Variants in ATP2B2 observed in about 807,000 individuals in gnomAD.
ATP2B2 encodes the protein plasma membrane calcium-transporting ATPase 2.
ATP2B2 carries 15 observed loss-of-function variants against 120.0 expected under a neutral mutation model. That is an observed-to-expected ratio of 0.12 (90% CI 0.08 to 0.19). The LOEUF is 0.19. ATP2B2 is among the 10% of genes least tolerant of loss of function. ATP2B2 has a pLI of 1.00. For missense variants in ATP2B2, 1,045 were observed against 1,719.8 expected, an observed-to-expected ratio of 0.61 and a Z score of 6.94; for synonymous variants, 694 against 700.3, an observed-to-expected ratio of 0.99 and a Z score of 0.14.
intron 1 of ATP2B2, among the ~76,000 whole-genome samples, chr3:10,496,592 C>T (rs919284096): frequency 6.6e-6 from 1 of 152,124 alleles, no homozygotes; most frequent in Non-Finnish European, 1.5e-5. Context: ...TTCTCCTGAG[C>T]GCTGTCTCAT....
intron 3 of ATP2B2, among the ~76,000 whole-genome samples, chr3:10,518,252 G>A (rs537270471): frequency 1.4e-4 from 21 of 152,278 alleles, no homozygotes; most frequent in African/African-American, 4.8e-4. Context: ...CAATATCATG[G>A]ATTTGCCTTG....
Position 10,523,843 on chromosome 3 carries a change from GAA to G in ATP2B2, c.-320+10194_-320+10195del, listed in dbSNP as rs34082054. Among the ~76,000 whole-genome samples the G allele has an allele frequency of 7.5e-4, 105 of 139,652 alleles. 1 individual carries two copies. Among genetic ancestry groups the G allele is most frequent in the Middle Eastern group, 7.5e-3 (2 of 268 alleles). 91.6% of individuals were successfully genotyped at this position (139,652 alleles called of 152,430 possible). A position where few individuals can be genotyped will look rare whatever the true frequency, so the allele number is the denominator to read the frequency against. On this transcript the variant is annotated intron_variant, in intron 3 of 21. Coordinates refer to the ATP2B2 transcript ENST00000646379. Reference sequence around the variant, plus strand: ...CCCGTTTCCTCTTCTCTAAAATGCAGAAAAAAAAAAAAATAAAAGAAAGTGAA... The same window carrying G: ...CCCGTTTCCTCTTCTCTAAAATGCAGAAAAAAAAAAATAAAAGAAAGTGAA...
chr3:10,567,655 G>A (rs1032555100), intron 2 of ATP2B2, among the ~76,000 whole-genome samples: 3 of 152,162 alleles, frequency 2.0e-5, no homozygotes, highest in Non-Finnish European at 4.4e-5. Context: ...CAGGTGCTTC[G>A]TTTAGAGCAA....
Position 10,402,770 on chromosome 3 carries a change from A to G in ATP2B2, c.398-422T>C, listed in dbSNP as rs1409818498. 4.6e-5 allele frequency among the ~76,000 whole-genome samples: 7 copies of G among 151,818 alleles called. No homozygotes were observed. The highest frequency in any genetic ancestry group is 1.0e-4 in the Non-Finnish European group (7 of 67,896). Reference sequence around the variant, plus strand: ...TCTCATCTGGGTAAGAATATTCTCTATCTCGGGGACCTATTGTCAGAGTTG... The same window carrying G: ...TCTCATCTGGGTAAGAATATTCTCTGTCTCGGGGACCTATTGTCAGAGTTG... On this transcript the variant is annotated intron_variant, in intron 3 of 22. Coordinates refer to ENST00000360273, the MANE Select transcript of ATP2B2 (RefSeq NM_001001331.4). This position sits in a 1 kb window ranked among gnomAD's most constrained non-coding sequence, Gnocchi z 4.9.
chr3:10,542,466 TC>T (rs2067460431), intron 2 of ATP2B2, among the ~76,000 whole-genome samples: 1 of 152,218 alleles, frequency 6.6e-6, no homozygotes, highest in South Asian at 2.1e-4. Context: ...TCCCAAGAAT[TC>T]TTTTTAAAAA....
chr3:10,699,703 T>A (rs2125718938), intron 1 of ATP2B2, among the ~76,000 whole-genome samples: 1 of 152,242 alleles, frequency 6.6e-6, no homozygotes, highest in Non-Finnish European at 1.5e-5. Flanking sequence ...GGTGGGGCCT[T>A]TAAGAGGTGA....
upstream of ATP2B2, among the ~76,000 whole-genome samples, chr3:10,509,496 C>T (rs532521746): frequency 3.3e-5 from 5 of 152,306 alleles, no homozygotes; most frequent in South Asian, 1.0e-3. Context: ...TCCCATTTTA[C>T]AGAAAAGAAA....
chr3:10,385,893 C>T (rs2061663786), intron 7 of ATP2B2, among the ~76,000 whole-genome samples: 1 of 152,206 alleles, frequency 6.6e-6, no homozygotes, highest in Non-Finnish European at 1.5e-5. Context: ...CCAGAGACTG[C>T]TTTGGGAACT....
At chr3:10,368,745 A>G (rs2061140970) in intron 12 of ATP2B2, among the ~76,000 whole-genome samples, 1 of 151,360 alleles carries the variant, frequency 6.6e-6, no homozygotes. Context: ...TCATCCATAC[A>G]CCCATCCATG....
At chr3:10,538,369 C>A (rs768602852) in intron 2 of ATP2B2, among the ~76,000 whole-genome samples, 47 of 152,302 alleles carry the variant, frequency 3.1e-4, no homozygotes, top group Non-Finnish European at 6.2e-4. Flanking sequence ...CTCCCTAATT[C>A]ATTTTATGAG....
intron 22 of ATP2B2, chr3:10,336,283 A>G: frequency 6.4e-7 from 1 of 1,550,614 alleles, no homozygotes; most frequent in Non-Finnish European, 8.7e-7. Flanking sequence ...CGCTCTTGAA[A>G]GTATTGACTA....
intron 1 of ATP2B2, among the ~76,000 whole-genome samples, chr3:10,699,197 C>T (rs1323224911): frequency 6.6e-6 from 1 of 152,220 alleles, no homozygotes; most frequent in Non-Finnish European, 1.5e-5. Flanking sequence ...CTCTTTGATT[C>T]AGTGACTCCA....
intron 1 of ATP2B2, among the ~76,000 whole-genome samples, chr3:10,638,999 C>A (rs1446412741): frequency 2.0e-5 from 3 of 152,170 alleles, no homozygotes; most frequent in African/African-American, 7.2e-5. Flanking sequence ...AATTCACAAT[C>A]ATCGTTGGAG....
chr3:10,576,554 ATTGT>A (rs1025354337), intron 2 of ATP2B2, among the ~76,000 whole-genome samples: 5 of 151,830 alleles, frequency 3.3e-5, no homozygotes, highest in Non-Finnish European at 7.4e-5. Flanking sequence ...TAATTTTTAA[ATTGT>A]TTGTAGAGAT....
chr3:10,557,778 G>A (rs2067813379), intron 2 of ATP2B2, among the ~76,000 whole-genome samples: 1 of 152,180 alleles, frequency 6.6e-6, no homozygotes, highest in Non-Finnish European at 1.5e-5. Context: ...GCATGGGTTT[G>A]AACTCCAGTC....
chr3:10,381,684 G>A (rs1210903893), intron 8 of ATP2B2, among the ~76,000 whole-genome samples: 1 of 152,212 alleles, frequency 6.6e-6, no homozygotes, highest in Non-Finnish European at 1.5e-5. Flanking sequence ...TTGGCCCCAT[G>A]TGGGATCTGG....
chr3:10,682,750 T>C (rs774090637), intron 1 of ATP2B2, among the ~76,000 whole-genome samples: 2 of 152,176 alleles, frequency 1.3e-5, no homozygotes, highest in Non-Finnish European at 2.9e-5. Flanking sequence ...AGTCTGTCCC[T>C]ACCCAGAGCA....
intron 2 of ATP2B2, among the ~76,000 whole-genome samples, chr3:10,616,213 T>C (rs1283258616): frequency 6.6e-6 from 1 of 152,188 alleles, no homozygotes; most frequent in African/African-American, 2.4e-5. Flanking sequence ...AATGGGACTA[T>C]ATTTGGATAT....
chr3:10,496,277 C>T (rs960168430), intron 1 of ATP2B2, among the ~76,000 whole-genome samples: 49 of 152,296 alleles, frequency 3.2e-4, no homozygotes, highest in Middle Eastern at 3.4e-3. Context: ...CACCCTAGTC[C>T]TCCTTACCGG....
Sources: allele counts gnomAD v4.1 joint callset (sites outside exome capture counted in the v4.1 genomes callset), GRCh38; gene constraint gnomAD v4.1.1; non-coding constraint Gnocchi (gnomAD v3.1); transcripts MANE v1.5; gene names NCBI Gene and HGNC (gene_info 2026-07-23, HGNC 2026-07-21).